The following PPIC variants were observed in gnomAD, a reference collection of about 807,000 sequenced individuals.
The protein encoded by PPIC is peptidyl-prolyl cis-trans isomerase C.
A neutral mutation model predicts 19.5 loss-of-function variants in PPIC; 19 were observed. That is an observed-to-expected ratio of 0.98 (90% CI 0.68 to 1.43). The LOEUF (loss-of-function observed/expected upper bound fraction) is 1.43, where lower values mean the gene tolerates loss of function less well. Among genes scored for constraint, PPIC ranks in the 40% most tolerant of loss-of-function variants. The pLI is 0.00. For missense variants in PPIC, 268 were observed against 268.6 expected (o/e 1.00, Z 0.02); for synonymous variants, 107 against 101.2 (o/e 1.06, Z -0.34).
Position 123,025,770 on chromosome 5 carries a change from A to T in PPIC, c.510+14T>A, listed in dbSNP as rs1026152690. The T allele has an allele frequency of 1.2e-6, 2 of 1,607,816 alleles. No homozygotes were observed. Among genetic ancestry groups the T allele is most frequent in the East Asian group, 4.5e-5 (2 of 44,886 alleles). On this transcript the variant is annotated intron_variant, in intron 4 of 4. Transcript: ENST00000306442. ...AATATAAAGCTTTGAAAGGAAAAAAATGTATCAATTTACCATCCCATCAAT... is the reference window on the plus strand; with the variant it reads ...AATATAAAGCTTTGAAAGGAAAAAATTGTATCAATTTACCATCCCATCAAT...
Position 123,029,354 on chromosome 5 carries a change from T to G in PPIC, c.182A>C (p.Lys61Thr). Residue 61 changes from lysine to threonine, a missense_variant, in exon 2 of 5, where the codon AAA becomes ACA. By Grantham distance (78) the Lys-to-Thr change is moderately conservative. Transcript: ENST00000306442. ...VGRIVIGLFG[K>T]VVPKTVENFV... ...ATTTTCCACTGTCTTGGGCACAACT[T>G]TTCCAAAGAGGCCAATCACAATTCT... The G allele has an allele frequency of 6.2e-7, 1 of 1,612,122 alleles. No homozygotes were observed. Among genetic ancestry groups the G allele is most frequent in the South Asian group, 1.1e-5 (1 of 90,654 alleles).
chr5:123,036,465 C>G lies in PPIC; in HGVS notation c.117+44G>C. 1 of 1,554,862 alleles carries G rather than the reference C, an allele frequency of 6.4e-7. No individual in the cohort carries two copies. Among genetic ancestry groups the G allele is most frequent in the African/African-American group, 1.4e-5 (1 of 73,754 alleles). On this transcript the variant is annotated intron_variant, in intron 1 of 4. Transcript: ENST00000306442. The surrounding 1 kb of genome is among the most constrained non-coding windows in gnomAD (Gnocchi z 4.5). ...CCAGTATCCAAAGCGCCCCCAGGGC[C>G]CCGCCCGCAACAGGGGAAGTTGCAG...
At position 123,036,204 on chromosome 5, in the gene PPIC, C is replaced by A. The variant is rs549922172; in HGVS notation, c.117+305G>T. ...TCTCTTTCCTGGAGAACGGGCCCGC[C>A]GGTTCCGGAAGCCTCTCCTACCCCC... On this transcript the variant is annotated intron_variant, in intron 1 of 4. Transcript: ENST00000306442. The surrounding 1 kb of genome is among the most constrained non-coding windows in gnomAD (Gnocchi z 4.5). The A allele has an allele frequency of 2.1e-5, 9 of 423,870 alleles. No individual in the cohort carries two copies. In the South Asian group the frequency reaches 2.2e-4, roughly 10 times the overall value. 26.3% of individuals were successfully genotyped at this position (423,870 alleles called of 1,614,324 possible). A position where few individuals can be genotyped will look rare whatever the true frequency, so the allele number is the denominator to read the frequency against.
chr5:123,035,199 T>TA (rs1258385391), intron 1 of PPIC, among the ~76,000 whole-genome samples: 5 of 152,174 alleles, frequency 3.3e-5, no homozygotes, highest in African/African-American at 1.2e-4. Flanking sequence ...TTTGCCTCCT[T>TA]AGTCTTCTCT....
intron 2 of PPIC, 176 bp downstream of exon 2, chr5:123,029,129 C>T: frequency 8.2e-7 from 1 of 1,213,214 alleles, no homozygotes; most frequent in South Asian, 1.5e-5. Flanking sequence ...CTCCCAATTT[C>T]CAGAAGCCTA....
At chr5:123,032,112 A>G (rs1762952839) in intron 1 of PPIC, among the ~76,000 whole-genome samples, 1 of 152,208 alleles carries the variant, frequency 6.6e-6, no homozygotes, top group Non-Finnish European at 1.5e-5. Context: ...AGGCGTTTAA[A>G]CAAAGGGGCA....
chr5:123,036,488 C>A lies in PPIC; in HGVS notation c.117+21G>T, dbSNP rs770123185. ...GCCCCGCCCGCAACAGGGGAAGTTG[C>A]AGCCCGCCGCTCTCGGTCACCTTGG... On this transcript the variant is annotated intron_variant, in intron 1 of 4. Transcript: ENST00000306442. The surrounding 1 kb of genome is among the most constrained non-coding windows in gnomAD (Gnocchi z 4.5). The A allele has an allele frequency of 6.3e-7, 1 of 1,592,992 alleles. No homozygotes were observed. Among genetic ancestry groups the A allele is most frequent in the East Asian group, 2.2e-5 (1 of 44,488 alleles).
At chr5:123,024,378 G>A (rs1762819646) in intron 4 of PPIC, among the ~76,000 whole-genome samples, 1 of 152,170 alleles carries the variant, frequency 6.6e-6, no homozygotes, top group South Asian at 2.1e-4. Flanking sequence ...TTAACATGAA[G>A]TCTGAGTCAG....
chr5:123,025,889 G>A lies in PPIC; in HGVS notation c.405C>T (p.Ala135=), dbSNP rs758752556. The change falls in exon 4 of 5, where the codon GCC becomes GCT. Residue 135 remains alanine, a synonymous_variant. Transcript: ENST00000306442. ...KHYGIGWVSM[A]NAGPDTNGSQ... ...AGCCATTGGTGTCAGGCCCAGCGTT[G>A]GCCATGCTGACCCACCCAATGCCAT... The A allele has an allele frequency of 6.2e-7, 1 of 1,614,020 alleles. No individual in the cohort carries two copies. The highest frequency in any genetic ancestry group is 8.5e-7 in the Non-Finnish European group (1 of 1,180,004).
At position 123,036,105 on chromosome 5, in the gene PPIC, G is replaced by T. The variant is rs1220295753; in HGVS notation, c.117+404C>A. On this transcript the variant is annotated intron_variant, in intron 1 of 4. Transcript: ENST00000306442. This position sits in a 1 kb window ranked among gnomAD's most constrained non-coding sequence, Gnocchi z 4.5. ...GGCTCCGAGCGCCTCTCCTGTGCGG[G>T]TCCCGCCCCCCTCCCCGCATTCCTC... is the stretch of plus-strand genomic sequence containing the variant. 6.6e-6 allele frequency among the ~76,000 whole-genome samples: 1 copy of T among 151,792 alleles called. No homozygotes were observed. The highest frequency in any genetic ancestry group is 1.5e-5 in the Non-Finnish European group (1 of 67,864).
chr5:123,033,958 C>A (rs932684848), intron 1 of PPIC, among the ~76,000 whole-genome samples: 7 of 152,210 alleles, frequency 4.6e-5, no homozygotes, highest in African/African-American at 1.7e-4. Flanking sequence ...CCAGAGCCCC[C>A]ACCTGAGCCT....
In PPIC at chr5:123,032,126, A is replaced by G. The variant is rs550841047; in HGVS notation, c.118-2708T>C. 2.0e-5 allele frequency among the ~76,000 whole-genome samples: 3 copies of G among 152,324 alleles called. No homozygotes were observed. The South Asian group carries it at 6.2e-4, about 32-fold the overall frequency. On this transcript the variant is annotated intron_variant, in intron 1 of 4. Transcript: ENST00000306442. ...GAGGCGTTTAAACAAAGGGGCAGAC[A>G]CTGGAGGAGGAGCAGGAAGAAAGAG...
Position 123,035,017 on chromosome 5 carries a change from C to T in PPIC, c.117+1492G>A, listed in dbSNP as rs187817372. Among the ~76,000 whole-genome samples, 404 of 152,268 alleles carry T rather than the reference C, an allele frequency of 2.7e-3. 3 individuals carry two copies. Among genetic ancestry groups the T allele is most frequent in the Non-Finnish European group, 2.3e-3 (158 of 68,014 alleles). ...TCAAATTTTAAGAATTGCCTCAATA[C>T]CCGCATGCCTACCTGCAGCCTCTAA... On this transcript the variant is annotated intron_variant, in intron 1 of 4. Coordinates refer to ENST00000306442, the MANE Select transcript of PPIC (RefSeq NM_000943.5).
intron 3 of PPIC, among the ~76,000 whole-genome samples, chr5:123,028,067 G>A (rs1025760486): frequency 1.3e-5 from 2 of 152,170 alleles, no homozygotes; most frequent in Non-Finnish European, 2.9e-5. Flanking sequence ...TTGGTTCCCA[G>A]CTTTGTCCAA....
chr5:123,034,247 A>C (rs1394162620), intron 1 of PPIC, among the ~76,000 whole-genome samples: 1 of 152,238 alleles, frequency 6.6e-6, no homozygotes, highest in East Asian at 1.9e-4. Flanking sequence ...TGAAAAAGTA[A>C]TTTAACAGAG....
chr5:123,024,027 T>G, intron 4 of PPIC, 24 bp from the exon 5 acceptor site: 1 of 1,609,176 alleles, frequency 6.2e-7, no homozygotes, highest in Non-Finnish European at 8.5e-7. Flanking sequence ...AGTAGACACA[T>G]GGTTTAATTC....
chr5:123,035,305 T>C (rs1364132152), intron 1 of PPIC, among the ~76,000 whole-genome samples: 1 of 152,262 alleles, frequency 6.6e-6, no homozygotes. Context: ...GCGAATTTTA[T>C]GTTTATGGCT....
At chr5:123,026,093 G>A (rs1361953699) in intron 3 of PPIC, 125 bp from the exon 4 acceptor site, 3 of 779,190 alleles carry the variant, frequency 3.9e-6, no homozygotes, top group Non-Finnish European at 5.9e-6. Flanking sequence ...GGGAAGACAT[G>A]TTCAAACATA....
At chr5:123,035,116 A>C (rs911793090) in intron 1 of PPIC, among the ~76,000 whole-genome samples, 6 of 152,134 alleles carry the variant, frequency 3.9e-5, no homozygotes, top group African/African-American at 1.4e-4. Context: ...TGCTGAAGCC[A>C]TTCCGTCCTC....
Sources: gnomAD v4.1 joint callset for allele counts (sites outside exome capture counted in the v4.1 genomes callset) on GRCh38, gnomAD v4.1.1 for gene constraint, Gnocchi (gnomAD v3.1) non-coding constraint, MANE v1.5 for transcripts, NCBI Gene and HGNC (gene_info 2026-07-23, HGNC 2026-07-21) for gene names.